MSI2: variants seen among roughly 807,000 people sequenced by gnomAD.
MSI2 encodes the protein RNA-binding protein Musashi homolog 2.
In MSI2, 17 loss-of-function variants were observed where a neutral mutation model predicts 45.6. The ratio of observed to expected loss-of-function variants is 0.37; its 90% CI spans 0.26 to 0.56. MSI2 has a LOEUF of 0.56. MSI2 is among the 20% of genes least tolerant of loss of function. MSI2 has a pLI of 0.77. For missense variants in MSI2, 293 were observed against 444.2 expected, an observed-to-expected ratio of 0.66 and a Z score of 3.06; for synonymous variants, 156 against 158.2, an observed-to-expected ratio of 0.99 and a Z score of 0.11.
At chr17:57,664,453 G>A (rs557920305) in intron 11 of MSI2, among the ~76,000 whole-genome samples, 61 of 152,280 alleles carry the variant, frequency 4.0e-4, no homozygotes, top group African/African-American at 1.1e-3. Context: ...GGGAGGCCCA[G>A]GTTGCAGTGA....
intron 6 of MSI2, among the ~76,000 whole-genome samples, chr17:57,409,622 T>C (rs2084149452): frequency 6.6e-6 from 1 of 152,188 alleles, no homozygotes; most frequent in Non-Finnish European, 1.5e-5. Flanking sequence ...TGTGTGACCA[T>C]TGATGTTTCC....
At chr17:57,406,339 C>T (rs1439200658) in intron 6 of MSI2, among the ~76,000 whole-genome samples, 1 of 152,176 alleles carries the variant, frequency 6.6e-6, no homozygotes, top group African/African-American at 2.4e-5. Flanking sequence ...AAAGAAACTC[C>T]ACACACACGG....
chr17:57,516,878 A>G (rs368335224), intron 6 of MSI2, among the ~76,000 whole-genome samples: 22 of 152,194 alleles, frequency 1.4e-4, no homozygotes, highest in Non-Finnish European at 2.8e-4. Flanking sequence ...TGTGGCTTCA[A>G]CTGTACCCGC....
chr17:57,690,995 G>T, the MSI2 span, among the ~76,000 whole-genome samples: 5 of 152,174 alleles, frequency 3.3e-5, no homozygotes, highest in Non-Finnish European at 5.9e-5. Flanking sequence ...GAGATATGGG[G>T]TCTGGTTTTT....
chr17:57,337,457 C>T (rs1914769325), intron 5 of MSI2, among the ~76,000 whole-genome samples: 1 of 152,200 alleles, frequency 6.6e-6, no homozygotes, highest in Non-Finnish European at 1.5e-5. Context: ...TCTCCACTTT[C>T]TCGGCCTCTA....
In MSI2 at chr17:57,627,559, A is replaced by C; in HGVS notation, c.727+256A>C. ...AAAGGGAAAGCAGAACGGAGGCAGGAGGCCTCCCTGTGCTCACCTCCTTTT... is the reference window on the plus strand; with the variant it reads ...AAAGGGAAAGCAGAACGGAGGCAGGCGGCCTCCCTGTGCTCACCTCCTTTT... On this transcript the variant is annotated intron_variant, in intron 10 of 13. Coordinates refer to ENST00000284073, the MANE Select transcript of MSI2 (RefSeq NM_138962.4). The surrounding 1 kb of genome is among the most constrained non-coding windows in gnomAD (Gnocchi z 4.6). 1.8e-6 allele frequency: 1 copy of C among 546,808 alleles called. No individual in the cohort carries two copies. Among genetic ancestry groups the C allele is most frequent in the Non-Finnish European group, 3.3e-6 (1 of 307,666 alleles). The allele number at this position is 546,808 out of a possible 1,614,324, so 33.9% of individuals were successfully genotyped here.
intron 5 of MSI2, among the ~76,000 whole-genome samples, chr17:57,378,409 G>A (rs1008981042): frequency 2.0e-5 from 3 of 152,068 alleles, no homozygotes; most frequent in South Asian, 4.2e-4. Flanking sequence ...GATTACAGGC[G>A]AACGCCACCA....
At chr17:57,541,468 C>G (rs1299651935) in intron 7 of MSI2, among the ~76,000 whole-genome samples, 1 of 152,022 alleles carries the variant, frequency 6.6e-6, no homozygotes, top group Non-Finnish European at 1.5e-5. Context: ...CCTTTCTATC[C>G]TGAAAAAAAA....
downstream of MSI2, among the ~76,000 whole-genome samples, chr17:57,687,933 T>C (rs768192842): frequency 3.6e-4 from 55 of 152,102 alleles, 1 homozygote; most frequent in Admixed American, 1.3e-4. Context: ...TCAACATCTA[T>C]TATACTAGCA....
At chr17:57,406,129 G>A (rs1423345728) in intron 6 of MSI2, among the ~76,000 whole-genome samples, 1 of 152,072 alleles carries the variant, frequency 6.6e-6, no homozygotes, top group Non-Finnish European at 1.5e-5. Context: ...TACTGCCCTG[G>A]GTTTCTTAGT....
At position 57,627,112 on chromosome 17, in the gene MSI2, A is replaced by G. The variant is rs1248375714; in HGVS notation, c.653-117A>G. On this transcript the variant is annotated intron_variant, in intron 9 of 13. Coordinates refer to ENST00000284073, the MANE Select transcript of MSI2 (RefSeq NM_138962.4). The surrounding 1 kb of genome is among the most constrained non-coding windows in gnomAD (Gnocchi z 4.6). ...ATAAAAAAACCCTCATGAGAGACAA[A>G]TTATTCTGTGAAGGAAAATAACTCA... is the stretch of plus-strand genomic sequence containing the variant. The G allele has an allele frequency of 3.1e-6, 3 of 978,134 alleles. No individual in the cohort carries two copies. Among genetic ancestry groups the G allele is most frequent in the Non-Finnish European group, 4.9e-6 (3 of 614,480 alleles). 60.6% of individuals were successfully genotyped at this position (978,134 alleles called of 1,614,324 possible). A position where few individuals can be genotyped will look rare whatever the true frequency, so the allele number is the denominator to read the frequency against.
At chr17:57,401,761 G>A (rs961301337) in intron 6 of MSI2, among the ~76,000 whole-genome samples, 3 of 152,300 alleles carry the variant, frequency 2.0e-5, no homozygotes, top group Admixed American at 6.5e-5. Context: ...GGTGGTGACG[G>A]CAGCTGGGGA....
intron 7 of MSI2, among the ~76,000 whole-genome samples, chr17:57,562,810 C>A (rs574755892): frequency 2.0e-4 from 30 of 151,920 alleles, no homozygotes; most frequent in Non-Finnish European, 3.5e-4. Flanking sequence ...TTTAAAAATG[C>A]GTACAGGCCG....
chr17:57,561,499 G>A (rs1011168398), intron 7 of MSI2, among the ~76,000 whole-genome samples: 26 of 152,326 alleles, frequency 1.7e-4, no homozygotes, highest in African/African-American at 6.3e-4. Flanking sequence ...GTCAGAGACT[G>A]TCTCCCACCT....
intron 5 of MSI2, among the ~76,000 whole-genome samples, chr17:57,345,818 CAAA>C (rs10685506): frequency 2.5e-5 from 3 of 121,218 alleles, no homozygotes; most frequent in Admixed American, 8.6e-5. Context: ...GACTCCGTCT[CAAA>C]AAAAAAAAAA....
chr17:57,648,183 T>TGTGTGTGTG (rs1567958410), intron 10 of MSI2, among the ~76,000 whole-genome samples: 2 of 79,614 alleles, frequency 2.5e-5, no homozygotes, highest in African/African-American at 9.6e-5. Flanking sequence ...GTGTGTGTGT[T>TGTGTGTGTG]TGTAGTGACA....
At chr17:57,507,586 A>G (rs2086265120) in intron 6 of MSI2, among the ~76,000 whole-genome samples, 1 of 152,172 alleles carries the variant, frequency 6.6e-6, no homozygotes, top group African/African-American at 2.4e-5. Flanking sequence ...AAAATGCAAT[A>G]GGACTATAAA....
chr17:57,535,583 C>T (rs1335779077), intron 7 of MSI2, among the ~76,000 whole-genome samples: 18 of 152,196 alleles, frequency 1.2e-4, no homozygotes, highest in Non-Finnish European at 4.4e-5. Flanking sequence ...ATGCTAATGG[C>T]TTTGGAGAGG....
At chr17:57,341,834 A>G (rs1915190168) in intron 5 of MSI2, among the ~76,000 whole-genome samples, 1 of 152,224 alleles carries the variant, frequency 6.6e-6, no homozygotes, top group African/African-American at 2.4e-5. Flanking sequence ...GAAGACCTCC[A>G]GGGATTTGCC....
Sources: gnomAD v4.1 joint callset for allele counts (sites outside exome capture counted in the v4.1 genomes callset) on GRCh38, gnomAD v4.1.1 for gene constraint, Gnocchi (gnomAD v3.1) non-coding constraint, MANE v1.5 for transcripts, NCBI Gene and HGNC (gene_info 2026-07-23, HGNC 2026-07-21) for gene names.